IFT46: variants seen among roughly 807,000 people sequenced by gnomAD.
IFT46 encodes the protein intraflagellar transport 46.
In IFT46, 19 loss-of-function variants were observed where a neutral mutation model predicts 39.6. The observed-to-expected ratio is 0.48, with a 90% CI of 0.33 to 0.70. IFT46 has a LOEUF of 0.70. Ranked by LOEUF, IFT46 falls within the 30% of genes least tolerant of loss-of-function variation. The pLI, the probability that IFT46 is intolerant of heterozygous loss-of-function variation, is 0.01. For missense variants in IFT46, 334 were observed against 364.8 expected, an observed-to-expected ratio of 0.92 and a Z score of 0.69; for synonymous variants, 117 against 134.8, an observed-to-expected ratio of 0.87 and a Z score of 0.91.
intron 3 of IFT46, 128 bp from the exon 4 acceptor site, chr11:118,557,173 C>T (rs1937869300): frequency 1.2e-6 from 1 of 828,396 alleles, no homozygotes; most frequent in African/African-American, 1.8e-5. Flanking sequence ...GAGAAGGGGG[C>T]ACTTCCCAGA....
exon 1 of IFT46, chr11:118,572,943 T>C (rs894631321): frequency 4.2e-6 from 1 of 239,124 alleles, no homozygotes; most frequent in Non-Finnish European, 8.0e-6. Flanking sequence ...TGGGCCTGTC[T>C]CCGGAGGTTC....
chr11:118,562,147 C>T (rs1292963346), intron 2 of IFT46, among the ~76,000 whole-genome samples: 2 of 152,120 alleles, frequency 1.3e-5, no homozygotes, highest in African/African-American at 4.8e-5. Context: ...TGTGGTGGCA[C>T]ACTCCTATAA....
chr11:118,568,467 G>A (rs138919459), upstream of IFT46, among the ~76,000 whole-genome samples: 3,558 of 152,030 alleles, frequency 0.023, 119 homozygotes, highest in African/African-American at 0.082. Flanking sequence ...CAGGAGAATC[G>A]CTTGAACCCG....
chr11:118,574,105 A>T (rs912144354), upstream of IFT46, among the ~76,000 whole-genome samples: 4 of 152,176 alleles, frequency 2.6e-5, no homozygotes, highest in Non-Finnish European at 5.9e-5. Context: ...GATATATATA[A>T]AATATAACTT....
At chr11:118,555,179 G>C in intron 5 of IFT46, 69 bp downstream of exon 5, 1 of 1,543,982 alleles carries the variant, frequency 6.5e-7, no homozygotes, top group Non-Finnish European at 9.0e-7. Flanking sequence ...CCCTGTTTCA[G>C]ACTAGAGATA....
At chr11:118,564,512 A>G (rs1177216967) in intron 2 of IFT46, among the ~76,000 whole-genome samples, 1 of 152,118 alleles carries the variant, frequency 6.6e-6, no homozygotes, top group African/African-American at 2.4e-5. Context: ...GGAGTTCAAG[A>G]TCAGCCTTGG....
chr11:118,545,773 G>T lies in IFT46; in HGVS notation c.733+20C>A, dbSNP rs781986010. 6.2e-7 allele frequency: 1 copy of T among 1,612,008 alleles called. No homozygotes were observed. Among genetic ancestry groups the T allele is most frequent in the Non-Finnish European group, 8.5e-7 (1 of 1,178,074 alleles). Reference sequence around the variant, plus strand: ...GTCTCTATCCAGAGATGGGGACGAGGAAAGGAAAGAGGAACTCACCACAGA... The same window carrying T: ...GTCTCTATCCAGAGATGGGGACGAGTAAAGGAAAGAGGAACTCACCACAGA... On this transcript the variant is annotated intron_variant, in intron 10 of 11. Coordinates refer to ENST00000264021, the MANE Select transcript of IFT46 (RefSeq NM_001168618.2).
chr11:118,572,707 C>G, exon 1 of IFT46: 1 of 842,284 alleles, frequency 1.2e-6, no homozygotes, highest in Non-Finnish European at 1.8e-6. Flanking sequence ...CTCCTGTGCC[C>G]GGTCTCCTGG....
intron 5 of IFT46, 26 bp from the exon 6 acceptor site, chr11:118,555,109 GGAGAC>G: frequency 6.3e-7 from 1 of 1,580,370 alleles, no homozygotes; most frequent in South Asian, 1.1e-5. Context: ...AAGGGAAGGT[GGAGAC>G]AGTCAGAAAA....
Position 118,552,225 on chromosome 11 carries a change from C to A in IFT46, c.594G>T (p.Val198=). 1 of 1,614,136 alleles carries A rather than the reference C, an allele frequency of 6.2e-7. No homozygotes were observed. The highest frequency in any genetic ancestry group is 8.5e-7 in the Non-Finnish European group (1 of 1,180,024). ...GTGGTATTTCTTACCTGGTGTAGTGCACAGTCGCAGGGGGCTTAGAACGGT... is the reference window on the plus strand; with the variant it reads ...GTGGTATTTCTTACCTGGTGTAGTGAACAGTCGCAGGGGGCTTAGAACGGT... ...ELHRSKPPAT[V]HYTRPMPDID... The change falls in exon 8 of 12, where the codon GTG becomes GTT. Residue 198 remains valine, a synonymous_variant. Coordinates refer to ENST00000264021, the MANE Select transcript of IFT46 (RefSeq NM_001168618.2).
chr11:118,572,500 A>G (rs782348895), intron 1 of IFT46: 1 of 1,608,672 alleles, frequency 6.2e-7, no homozygotes, highest in Non-Finnish European at 8.5e-7. Flanking sequence ...CCCTACCCCT[A>G]TCCCCAGTGG....
At chr11:118,561,754 T>C (rs1938064536) in intron 2 of IFT46, among the ~76,000 whole-genome samples, 1 of 152,240 alleles carries the variant, frequency 6.6e-6, no homozygotes, top group Admixed American at 6.5e-5. Context: ...TGCAAGGAAC[T>C]GACCCAGGGC....
At chr11:118,574,563 AT>A (rs1360593437), upstream of IFT46, among the ~76,000 whole-genome samples, 1 of 152,120 alleles carries the variant, frequency 6.6e-6, no homozygotes, top group African/African-American at 2.4e-5. Context: ...AAAAATATAC[AT>A]TTCAAAGTAA....
intron 9 of IFT46, among the ~76,000 whole-genome samples, chr11:118,551,197 C>G (rs186376897): frequency 2.0e-5 from 3 of 151,652 alleles, no homozygotes; most frequent in South Asian, 4.2e-4. Context: ...CATGGTGAAA[C>G]CCTTTCTCTA....
intron 1 of IFT46, among the ~76,000 whole-genome samples, chr11:118,571,415 T>C (rs1235638924): frequency 1.3e-5 from 2 of 152,268 alleles, no homozygotes. Flanking sequence ...ATTTTTGTGT[T>C]GACATATATT....
At chr11:118,545,154 G>T in intron 11 of IFT46, 143 bp from the exon 12 acceptor site, 1 of 717,766 alleles carries the variant, frequency 1.4e-6, no homozygotes, top group Non-Finnish European at 2.4e-6. Flanking sequence ...GAAAGAACGA[G>T]TGTCCTCTGT....
In IFT46 at chr11:118,556,929, TTCA is replaced by T. The variant is rs782142049; in HGVS notation, c.159_161del (p.Asp53del). Reference sequence around the variant, plus strand: ...ACCCTTCCAGAGGGGCTCCATGCTCTTCATCATCATCATCAGAATCAGAATCAG... The same window carrying T: ...ACCCTTCCAGAGGGGCTCCATGCTCTTCATCATCATCAGAATCAGAATCAG... On this transcript the variant is annotated inframe_deletion, in exon 4 of 12. Coordinates refer to ENST00000264021, the MANE Select transcript of IFT46 (RefSeq NM_001168618.2). 36 of 1,607,490 alleles carry T rather than the reference TTCA, an allele frequency of 2.2e-5. No homozygotes were observed. The highest frequency in any genetic ancestry group is 1.0e-4 in the South Asian group (9 of 89,822).
chr11:118,563,658 CCAAA>C lies in IFT46; in HGVS notation c.-36+1303_-36+1306del, dbSNP rs1555070943. Among the ~76,000 whole-genome samples, 96 of 152,346 alleles carry C rather than the reference CCAAA, an allele frequency of 6.3e-4. 3 individuals are homozygous for C. The South Asian group carries it at 0.019, about 30-fold the overall frequency. ...TCCACACACGACAGCAACACAGCCT[CCAAA>C]GCTCTGCTTATTGTGCTTCCTGCCC... is the stretch of plus-strand genomic sequence containing the variant. On this transcript the variant is annotated intron_variant, in intron 2 of 11. Transcript: ENST00000264021.
upstream of IFT46, among the ~76,000 whole-genome samples, chr11:118,575,946 G>C (rs1240705742): frequency 6.6e-6 from 1 of 151,102 alleles, no homozygotes; most frequent in African/African-American, 2.4e-5. Flanking sequence ...TAAAATGGAA[G>C]TATTGTACAT....
Sources: allele counts gnomAD v4.1 joint callset (sites outside exome capture counted in the v4.1 genomes callset), GRCh38; gene constraint gnomAD v4.1.1; transcripts MANE v1.5; gene names NCBI Gene and HGNC (gene_info 2026-07-23, HGNC 2026-07-21).